Variants in TPPP2 observed in about 807,000 individuals in gnomAD.
The protein encoded by TPPP2 is tubulin polymerization-promoting protein family member 2.
TPPP2 carries 8 observed loss-of-function variants against 13.0 expected under a neutral mutation model. That is an observed-to-expected ratio of 0.62 (90% CI 0.36 to 1.11). The LOEUF is 1.11. Ranked by LOEUF, TPPP2 falls within the 50% of genes most tolerant of loss-of-function variation. The probability of loss-of-function intolerance (pLI) is 0.02; values close to 1 mark genes in which losing one functional copy is unlikely to be tolerated. For missense variants in TPPP2, 213 were observed against 216.9 expected, an observed-to-expected ratio of 0.98 and a Z score of 0.11; for synonymous variants, 81 against 81.8, an observed-to-expected ratio of 0.99 and a Z score of 0.05.
upstream of TPPP2, among the ~76,000 whole-genome samples, chr14:21,029,779 C>T (rs1883934929): frequency 3.3e-5 from 5 of 152,266 alleles, no homozygotes; most frequent in South Asian, 1.0e-3. Flanking sequence ...GAGGACACAG[C>T]AAGAAGGTGC....
rs943945107 is a variant in TPPP2 at position 21,025,180 on chromosome 14, C to G, written n.236+836C>G. 2.2e-6 allele frequency: 2 copies of G among 892,896 alleles called. No homozygotes were observed. Among genetic ancestry groups the G allele is most frequent in the Non-Finnish European group, 2.7e-6 (2 of 745,400 alleles). 55.3% of individuals were successfully genotyped at this position (892,896 alleles called of 1,614,324 possible). On this transcript the variant is annotated intron_variant and non_coding_transcript_variant, in intron 1 of 1. Transcript: ENST00000533755. This position sits in a 1 kb window ranked among gnomAD's most constrained non-coding sequence, Gnocchi z 5.1. ...CCGCCCCAGACCCCCAGTAAACACG[C>G]CCCCCCTTTCACCCCGCCCAGACTG...
At chr14:21,035,809 A>C (rs1326108019), downstream of TPPP2, 4 of 456,134 alleles carry the variant, frequency 8.8e-6, no homozygotes, top group Non-Finnish European at 1.8e-5. Flanking sequence ...CTGGTTACCT[A>C]TGCAAGAAAC....
chr14:21,025,999 C>T (rs374124971), upstream of TPPP2, among the ~76,000 whole-genome samples: 50 of 152,256 alleles, frequency 3.3e-4, no homozygotes, highest in African/African-American at 1.1e-3. This position sits in a 1 kb window ranked among gnomAD's most constrained non-coding sequence, Gnocchi z 5.1. Context: ...GACCCTGTGG[C>T]TTCGCCGCTA....
chr14:21,026,140 A>ACACACG (rs1210561390), upstream of TPPP2, among the ~76,000 whole-genome samples: 30 of 151,698 alleles, frequency 2.0e-4, no homozygotes, highest in Non-Finnish European at 3.5e-4. Flanking sequence ...GACTTTACAC[A>ACACACG]CACACGCACA....
upstream of TPPP2, among the ~76,000 whole-genome samples, chr14:21,027,639 A>G (rs1883784183): frequency 6.6e-6 from 1 of 152,236 alleles, no homozygotes; most frequent in Admixed American, 6.5e-5. Context: ...CTGTCACAAC[A>G]TCTGTAAATG....
upstream of TPPP2, among the ~76,000 whole-genome samples, chr14:21,027,900 A>C (rs1254513640): frequency 2.0e-5 from 3 of 152,236 alleles, no homozygotes; most frequent in Non-Finnish European, 4.4e-5. Context: ...ATCCAGGCAC[A>C]GAGAGAGCAT....
chr14:21,025,935 G>A (rs1237289018), upstream of TPPP2: 3 of 158,274 alleles, frequency 1.9e-5, no homozygotes, highest in Non-Finnish European at 4.1e-5. This position sits in a 1 kb window ranked among gnomAD's most constrained non-coding sequence, Gnocchi z 5.1. Context: ...TTAACCCTGC[G>A]GGGGTGGAGT....
downstream of TPPP2, chr14:21,033,963 A>T (rs1884434076): frequency 1.9e-6 from 3 of 1,614,026 alleles, no homozygotes; most frequent in Non-Finnish European, 2.5e-6. Flanking sequence ...GCAGACCGTG[A>T]TGGGGAGGGA....
chr14:21,034,084 G>A (rs1250238095), downstream of TPPP2: 5 of 1,614,108 alleles, frequency 3.1e-6, no homozygotes, highest in South Asian at 4.4e-5. Flanking sequence ...TGGATCTTTG[G>A]GCAATCTGAA....
At chr14:21,027,008 G>C (rs1226907278), upstream of TPPP2, among the ~76,000 whole-genome samples, 1 of 152,188 alleles carries the variant, frequency 6.6e-6, no homozygotes, top group East Asian at 1.9e-4. Flanking sequence ...GAGTGGGGGA[G>C]GGAAGGACCT....
At chr14:21,027,094 C>T (rs767002364), upstream of TPPP2, among the ~76,000 whole-genome samples, 3 of 152,144 alleles carry the variant, frequency 2.0e-5, no homozygotes, top group Non-Finnish European at 4.4e-5. Context: ...TACGCAGGGG[C>T]GCAGGGCAGG....
At chr14:21,026,695 C>T (rs1202600180), upstream of TPPP2, among the ~76,000 whole-genome samples, 2 of 152,088 alleles carry the variant, frequency 1.3e-5, no homozygotes, top group Non-Finnish European at 2.9e-5. Context: ...GCTCCCCCTA[C>T]ATCCCCCAAT....
chr14:21,033,952 A>T, downstream of TPPP2: 2 of 1,613,940 alleles, frequency 1.2e-6, no homozygotes, highest in Non-Finnish European at 1.7e-6. Context: ...TGGCTCAGGG[A>T]GCAGACCGTG....
downstream of TPPP2, among the ~76,000 whole-genome samples, chr14:21,035,212 T>C (rs11851011): frequency 0.014 from 2,079 of 152,290 alleles, 47 homozygotes; most frequent in African/African-American, 0.045. Context: ...ACCCACAGCC[T>C]TCACCTGTGA....
chr14:21,033,985 G>A (rs533949543), downstream of TPPP2: 1 of 1,613,968 alleles, frequency 6.2e-7, no homozygotes, highest in African/African-American at 1.3e-5. Flanking sequence ...TCCTGGGTGA[G>A]TGTGCAGTAT....
At position 21,031,962 on chromosome 14, in the gene TPPP2, G is replaced by A. The variant is rs9624; in HGVS notation, c.398G>A (p.Arg133His). The A allele has an allele frequency of 3.8e-4, 611 of 1,614,074 alleles. No individual in the cohort carries two copies. Among genetic ancestry groups the A allele is most frequent in the Non-Finnish European group, 4.9e-4 (574 of 1,179,996 alleles). Residue 133 changes from arginine to histidine, a missense_variant, in exon 4 of 4, where the codon CGC (arginine) becomes CAC (histidine). Coordinates refer to ENST00000321760, the MANE Select transcript of TPPP2 (RefSeq NM_173846.5). The part of the protein sequence containing the change: ...TSKYTGTHKE[R>H]FDESGKGKGI... The stretch of plus-strand genomic sequence containing the variant: ...AAGTACACCGGCACCCACAAGGAGC[G>A]CTTTGATGAGAGTGGCAAGGGCAAG...
At position 21,025,164 on chromosome 14, in the gene TPPP2, AC is replaced by A; in HGVS notation, n.236+825del. The A allele has an allele frequency of 2.1e-6, 2 of 933,836 alleles. No individual in the cohort carries two copies. Among genetic ancestry groups the A allele is most frequent in the Non-Finnish European group, 1.3e-6 (1 of 783,592 alleles). 57.8% of individuals were successfully genotyped at this position (933,836 alleles called of 1,614,324 possible). ...TAGGCTCCCCGCAGACCCGCCCCAG[AC>A]CCCCAGTAAACACGCCCCCCCTTTC... On this transcript the variant is annotated intron_variant and non_coding_transcript_variant, in intron 1 of 1. Coordinates refer to the TPPP2 transcript ENST00000533755. The surrounding 1 kb of genome is among the most constrained non-coding windows in gnomAD (Gnocchi z 5.1).
In TPPP2 at chr14:21,032,555, G is replaced by A. The variant is rs948097245; in HGVS notation, c.*478G>A. The A allele has an allele frequency of 1.4e-5, 5 of 347,392 alleles. No individual in the cohort carries two copies. Among genetic ancestry groups the A allele is most frequent in the African/African-American group, 2.2e-5 (1 of 46,200 alleles). 21.5% of individuals were successfully genotyped at this position (347,392 alleles called of 1,614,324 possible). On this transcript the variant is annotated 3_prime_UTR_variant, in exon 4 of 4. Coordinates refer to ENST00000321760, the MANE Select transcript of TPPP2 (RefSeq NM_173846.5). Reference sequence around the variant, plus strand: ...TGCAATTCAGGTTTTTTGGGTGGAGGAGTAGAAGCCAGCTAAGGTTGCCTG... The same window carrying A: ...TGCAATTCAGGTTTTTTGGGTGGAGAAGTAGAAGCCAGCTAAGGTTGCCTG...
rs188571201 is a variant in TPPP2 at position 21,031,269 on chromosome 14, G to A, written c.327+104G>A. 137 of 1,429,266 alleles carry A rather than the reference G, an allele frequency of 9.6e-5. 2 individuals are homozygous for A. In the Middle Eastern group the frequency reaches 4.7e-3, roughly 50 times the overall value. 88.5% of individuals were successfully genotyped at this position (1,429,266 alleles called of 1,614,324 possible). On this transcript the variant is annotated intron_variant, in intron 3 of 3. Transcript: ENST00000321760. ...ACTGTGTGACTGTAGAGACAGGGCC[G>A]AAACAGACTTTAGAGATCATCTAGA... is the stretch of plus-strand genomic sequence containing the variant.
Sources: gnomAD v4.1 joint callset for allele counts (sites outside exome capture counted in the v4.1 genomes callset) on GRCh38, gnomAD v4.1.1 for gene constraint, Gnocchi (gnomAD v3.1) non-coding constraint, MANE v1.5 for transcripts, NCBI Gene and HGNC (gene_info 2026-07-23, HGNC 2026-07-21) for gene names.